The following RBMS3 variants were observed in gnomAD, a reference collection of about 807,000 sequenced individuals.
RBMS3 encodes RNA binding motif single stranded interacting protein 3.
In RBMS3, 27 loss-of-function variants were observed where a neutral mutation model predicts 66.8. That is an observed-to-expected ratio of 0.40 (90% confidence interval 0.30 to 0.56). The LOEUF is 0.56. Among genes scored for constraint, RBMS3 ranks in the 20% least tolerant of loss-of-function variants. The pLI, the probability that RBMS3 is intolerant of heterozygous loss-of-function variation, is 0.40. For missense variants in RBMS3, 513 were observed against 549.5 expected (o/e 0.93, Z 0.66); for synonymous variants, 188 against 183.0 (o/e 1.03, Z -0.22).
chr3:29,800,141 G>T (rs2057342464), intron 6 of RBMS3, among the ~76,000 whole-genome samples: 1 of 152,012 alleles, frequency 6.6e-6, no homozygotes, highest in Non-Finnish European at 1.5e-5. Flanking sequence ...ACAGTGCAGG[G>T]AAAAATATTC....
intron 1 of RBMS3, among the ~76,000 whole-genome samples, chr3:29,421,880 C>T (rs2040752614): frequency 1.3e-5 from 2 of 152,114 alleles, no homozygotes; most frequent in South Asian, 4.1e-4. Context: ...TCACACAAGC[C>T]AGAGTTGGCT....
In RBMS3 at chr3:29,717,850, G is replaced by A. The variant is rs904053241; in HGVS notation, c.400-21870G>A. On this transcript the variant is annotated intron_variant, in intron 4 of 14. Coordinates refer to ENST00000383767, the MANE Select transcript of RBMS3 (RefSeq NM_001003793.3). ...CGTTTAGATCTCTTCATTATGCCCC[G>A]TGGCTTTTCTGCATCCTTAACATCA... Among the ~76,000 whole-genome samples, 7 of 152,038 alleles carry A rather than the reference G, an allele frequency of 4.6e-5. No individual in the cohort carries two copies. The South Asian group carries it at 8.3e-4, about 18-fold the overall frequency.
At chr3:29,892,832 TATGTATG>T (rs1216823805) in intron 8 of RBMS3, among the ~76,000 whole-genome samples, 7 of 140,908 alleles carry the variant, frequency 5.0e-5, no homozygotes, top group African/African-American at 1.9e-4. Flanking sequence ...TGTATGTATG[TATGTATG>T]TATGTATTTA....
At chr3:29,981,498 G>C (rs923200719) in intron 12 of RBMS3, among the ~76,000 whole-genome samples, 9 of 152,182 alleles carry the variant, frequency 5.9e-5, no homozygotes, top group South Asian at 2.1e-4. Context: ...GGGCATCCTT[G>C]TCTTGTGCTT....
At chr3:29,348,033 T>C (rs1265924350) in intron 1 of RBMS3, among the ~76,000 whole-genome samples, 1 of 152,160 alleles carries the variant, frequency 6.6e-6, no homozygotes, top group Non-Finnish European at 1.5e-5. Flanking sequence ...TCTTTATCAA[T>C]AAAGTTGGAA....
chr3:29,319,512 G>A (rs930057077), intron 1 of RBMS3, among the ~76,000 whole-genome samples: 3 of 151,902 alleles, frequency 2.0e-5, no homozygotes, highest in Non-Finnish European at 4.4e-5. Flanking sequence ...AGGCATAAGC[G>A]AAAATAAGAA....
rs1394214961 is a variant in RBMS3 at position 29,652,210 on chromosome 3, T to C, written c.399+65005T>C. Among the ~76,000 whole-genome samples, 4 of 152,282 alleles carry C rather than the reference T, an allele frequency of 2.6e-5. No individual in the cohort carries two copies. The East Asian group carries it at 7.7e-4, about 29-fold the overall frequency. On this transcript the variant is annotated intron_variant, in intron 4 of 14. Coordinates refer to ENST00000383767, the MANE Select transcript of RBMS3 (RefSeq NM_001003793.3). ...TGAAATGTACAGAGATTAATGTGGT[T>C]ATGATTTCCTCAACGGTAATTTCAA...
chr3:29,586,690 G>A (rs976527558), intron 3 of RBMS3, among the ~76,000 whole-genome samples: 4 of 152,020 alleles, frequency 2.6e-5, no homozygotes, highest in Admixed American at 6.6e-5. Flanking sequence ...AACCTTTTGC[G>A]AGTTCTTATC....
At chr3:29,945,322 T>G (rs1417226945) in intron 12 of RBMS3, among the ~76,000 whole-genome samples, 1 of 151,694 alleles carries the variant, frequency 6.6e-6, no homozygotes, top group Non-Finnish European at 1.5e-5. Flanking sequence ...TAATTCTTTT[T>G]TAATTTCTTA....
chr3:29,440,748 C>T (rs1227099561), intron 2 of RBMS3, among the ~76,000 whole-genome samples: 12 of 152,178 alleles, frequency 7.9e-5, no homozygotes, highest in African/African-American at 2.7e-4. Context: ...CATTATAGTG[C>T]GTGCTGAACG....
intron 3 of RBMS3, among the ~76,000 whole-genome samples, chr3:29,563,751 G>C (rs968673565): frequency 5.9e-5 from 9 of 152,058 alleles, no homozygotes; most frequent in Admixed American, 1.3e-4. Flanking sequence ...TTGACTGGGC[G>C]TGGTGACTCA....
At chr3:29,471,284 A>G (rs2042716699) in intron 2 of RBMS3, among the ~76,000 whole-genome samples, 1 of 152,194 alleles carries the variant, frequency 6.6e-6, no homozygotes, top group South Asian at 2.1e-4. Flanking sequence ...GTCAGTACTC[A>G]GGTAAGAAGT....
chr3:29,346,504 A>G (rs2036587909), intron 1 of RBMS3, among the ~76,000 whole-genome samples: 1 of 147,876 alleles, frequency 6.8e-6, no homozygotes, highest in Non-Finnish European at 1.5e-5. Flanking sequence ...CCCGGGTTCA[A>G]GTGATTCTCC....
intron 8 of RBMS3, among the ~76,000 whole-genome samples, chr3:29,886,144 A>C (rs2059864622): frequency 6.6e-6 from 1 of 151,892 alleles, no homozygotes; most frequent in African/African-American, 2.4e-5. Flanking sequence ...TCATCACAAA[A>C]AATAAAATCA....
At chr3:29,891,315 C>T (rs761663308) in intron 8 of RBMS3, among the ~76,000 whole-genome samples, 4 of 151,614 alleles carry the variant, frequency 2.6e-5, no homozygotes, top group Non-Finnish European at 4.4e-5. Context: ...TGTCATCTGC[C>T]TGAATCTATC....
chr3:29,974,772 C>T lies in RBMS3; in HGVS notation c.1099-13371C>T, dbSNP rs1424697038. Among the ~76,000 whole-genome samples the T allele has an allele frequency of 2.7e-4, 39 of 146,272 alleles. 1 individual carries two copies. Among genetic ancestry groups the T allele is most frequent in the Admixed American group, 2.5e-3 (36 of 14,290 alleles). On this transcript the variant is annotated intron_variant, in intron 12 of 14. Coordinates refer to ENST00000383767, the MANE Select transcript of RBMS3 (RefSeq NM_001003793.3). The stretch of plus-strand genomic sequence containing the variant: ...CATATTTATAGAGCACTTTGTTTCT[C>T]ATTGTTTTATATTTTATATATAAAA...
chr3:29,861,281 T>C (rs1416594736), intron 6 of RBMS3, among the ~76,000 whole-genome samples: 1 of 152,224 alleles, frequency 6.6e-6, no homozygotes, highest in Non-Finnish European at 1.5e-5. Context: ...TTGAATAAAC[T>C]GCTTCTGTTG....
chr3:29,544,151 T>C (rs1051147473), intron 3 of RBMS3, among the ~76,000 whole-genome samples: 3 of 152,168 alleles, frequency 2.0e-5, no homozygotes, highest in Non-Finnish European at 2.9e-5. Context: ...ATTGTGACTT[T>C]AGTATTCCAA....
chr3:29,880,319 C>T (rs1314284575), intron 7 of RBMS3, among the ~76,000 whole-genome samples: 2 of 152,094 alleles, frequency 1.3e-5, no homozygotes, highest in African/African-American at 4.8e-5. Flanking sequence ...AATCTAATAA[C>T]TCCTTTTTGA....
Sources: allele counts gnomAD v4.1 joint callset (sites outside exome capture counted in the v4.1 genomes callset), GRCh38; gene constraint gnomAD v4.1.1; transcripts MANE v1.5; gene names NCBI Gene and HGNC (gene_info 2026-07-23, HGNC 2026-07-21).